PLCB1: variants seen among roughly 807,000 people sequenced by gnomAD.
PLCB1 encodes the protein phospholipase C beta 1, also known as 1-phosphatidylinositol 4,5-bisphosphate phosphodiesterase beta-1.
Under a neutral mutation model 161.8 loss-of-function variants are expected in PLCB1, and 46 were observed. That is an observed-to-expected ratio of 0.28 (90% CI 0.22 to 0.36). The LOEUF (loss-of-function observed/expected upper bound fraction) is 0.36, where lower values mean the gene tolerates loss of function less well. Among genes scored for constraint, PLCB1 ranks in the 10% least tolerant of loss-of-function variants. The pLI is 1.00. For synonymous variants in PLCB1, 517 were observed against 503.7 expected (o/e 1.03, Z -0.35); for missense variants, 1,016 against 1,472.5 (o/e 0.69, Z 5.07).
At chr20:8,412,412 TATCAC>T (rs1979084173) in intron 3 of PLCB1, among the ~76,000 whole-genome samples, 1 of 152,226 alleles carries the variant, frequency 6.6e-6, no homozygotes. Context: ...TGAGAACAAT[TATCAC>T]ATCCACTACA....
chr20:8,247,937 C>A (rs1313057904), intron 2 of PLCB1, among the ~76,000 whole-genome samples: 1 of 151,932 alleles, frequency 6.6e-6, no homozygotes, highest in African/African-American at 2.4e-5. Context: ...GGAGTAAGTG[C>A]TGTATAAAAT....
intron 16 of PLCB1, among the ~76,000 whole-genome samples, chr20:8,727,014 A>G (rs768549636): frequency 6.6e-6 from 1 of 151,912 alleles, no homozygotes; most frequent in Non-Finnish European, 1.5e-5. Context: ...CTTTTGACAA[A>G]TTTTTTTATT....
At chr20:8,868,016 C>T (rs550236322) in intron 31 of PLCB1, among the ~76,000 whole-genome samples, 1 of 152,166 alleles carries the variant, frequency 6.6e-6, no homozygotes, top group South Asian at 2.1e-4. Flanking sequence ...TGTTTATTAG[C>T]AATTTACTAG....
intron 31 of PLCB1, among the ~76,000 whole-genome samples, chr20:8,819,518 A>T (rs6056159): frequency 6.6e-6 from 1 of 152,184 alleles, no homozygotes; most frequent in Non-Finnish European, 1.5e-5. Context: ...ATTTGGGCTA[A>T]ATTGAAGGTA....
intron 1 of PLCB1, among the ~76,000 whole-genome samples, chr20:8,143,964 G>A (rs759009663): frequency 1.3e-5 from 2 of 152,120 alleles, no homozygotes; most frequent in Non-Finnish European, 2.9e-5. Context: ...CTAGATACTG[G>A]GTGTCAGTTG....
At chr20:8,615,267 ATT>A (rs1462748238) in intron 3 of PLCB1, among the ~76,000 whole-genome samples, 2 of 152,160 alleles carry the variant, frequency 1.3e-5, no homozygotes, top group Non-Finnish European at 2.9e-5. Context: ...ATATTTAAGA[ATT>A]TTGCAAATCA....
At position 8,132,884 on chromosome 20, in the gene PLCB1, G is replaced by A; in HGVS notation, c.99+134G>A. The A allele has an allele frequency of 4.6e-6, 3 of 654,184 alleles. No individual in the cohort carries two copies. Among genetic ancestry groups the A allele is most frequent in the South Asian group, 3.7e-5 (2 of 54,738 alleles). 40.5% of individuals were successfully genotyped at this position (654,184 alleles called of 1,614,324 possible). The stretch of plus-strand genomic sequence containing the variant: ...GGCAGGGGCAGCCTCGGGCGCACAG[G>A]TTGGCATCTGCCAAAGCGGATGTCC... On this transcript the variant is annotated intron_variant, in intron 1 of 31. Coordinates refer to ENST00000338037, the MANE Select transcript of PLCB1 (RefSeq NM_015192.4). This position sits in a 1 kb window ranked among gnomAD's most constrained non-coding sequence, Gnocchi z 5.2.
rs573777654 is a variant in PLCB1 at position 8,474,201 on chromosome 20, T to A, written c.246+102751T>A. ...GATCTTAGTGCTGGGTATATAGCCA[T>A]GAATAAAATGAGATTCCTCTTTTTA... On this transcript the variant is annotated intron_variant, in intron 3 of 31. Transcript: ENST00000338037. 2.6e-5 allele frequency among the ~76,000 whole-genome samples: 4 copies of A among 152,264 alleles called. No individual in the cohort carries two copies. The East Asian group carries it at 7.7e-4, about 29-fold the overall frequency.
chr20:8,804,035 C>T (rs1019026354), intron 31 of PLCB1, among the ~76,000 whole-genome samples: 41 of 152,002 alleles, frequency 2.7e-4, no homozygotes, highest in Middle Eastern at 3.4e-3. Flanking sequence ...TCAGGTGATC[C>T]GCCTGCCTCA....
chr20:8,775,353 T>C (rs1277264346), intron 27 of PLCB1, among the ~76,000 whole-genome samples: 3 of 152,232 alleles, frequency 2.0e-5, no homozygotes, highest in Non-Finnish European at 4.4e-5. Context: ...TTGTGACAGA[T>C]AGATTAGATA....
At chr20:8,355,182 T>C (rs965898089) in intron 2 of PLCB1, among the ~76,000 whole-genome samples, 7 of 151,928 alleles carry the variant, frequency 4.6e-5, no homozygotes, top group African/African-American at 1.7e-4. Context: ...TAATATCCCA[T>C]GTGCTTGTGA....
chr20:8,290,223 G>C (rs796389865), intron 2 of PLCB1, among the ~76,000 whole-genome samples: 30 of 152,296 alleles, frequency 2.0e-4, no homozygotes, highest in African/African-American at 7.0e-4. Context: ...CAGAACTCAA[G>C]AGAAGATCCT....
chr20:8,390,399 G>T (rs1987553215), intron 3 of PLCB1, among the ~76,000 whole-genome samples: 1 of 152,072 alleles, frequency 6.6e-6, no homozygotes, highest in African/African-American at 2.4e-5. Context: ...CCTCTTTAAA[G>T]CACTATTGCT....
chr20:8,444,500 A>C (rs1329926008), intron 3 of PLCB1, among the ~76,000 whole-genome samples: 1 of 152,202 alleles, frequency 6.6e-6, no homozygotes, highest in Non-Finnish European at 1.5e-5. Context: ...ATAGTGCCGC[A>C]ATAAACATAC....
At chr20:8,880,543 A>T (rs927798488) in intron 31 of PLCB1, among the ~76,000 whole-genome samples, 5 of 152,230 alleles carry the variant, frequency 3.3e-5, no homozygotes, top group Admixed American at 6.5e-5. Flanking sequence ...TGGTGGCAAA[A>T]TAAGTCAAAA....
At chr20:8,294,288 C>T (rs899960510) in intron 2 of PLCB1, among the ~76,000 whole-genome samples, 1 of 152,076 alleles carries the variant, frequency 6.6e-6, no homozygotes, top group African/African-American at 2.4e-5. Flanking sequence ...TAGACACAGT[C>T]ATTCTAAACT....
At position 8,760,343 on chromosome 20, in the gene PLCB1, G is replaced by C. The variant is rs1210642410; in HGVS notation, c.2657-64G>C. On this transcript the variant is annotated intron_variant, in intron 24 of 31. Transcript: ENST00000338037. ...ATTCAAGGCCCAAATATGTTTGTTT[G>C]TTTACAGGAAGAATAAAATTTAAAA... The C allele has an allele frequency of 3.1e-6, 3 of 975,444 alleles. No individual in the cohort carries two copies. In the Admixed American group the frequency reaches 5.9e-5, roughly 19 times the overall value. The allele number at this position is 975,444 out of a possible 1,614,324, so 60.4% of individuals were successfully genotyped here.
rs6056000 is a variant in PLCB1, at chr20:8,684,086, G to A, written c.863-846G>A. On this transcript the variant is annotated intron_variant, in intron 9 of 31. Coordinates refer to ENST00000338037, the MANE Select transcript of PLCB1 (RefSeq NM_015192.4). ...TTTTTAGTAGAGACGAGGTTTCACC[G>A]TGTTAGCCAGGATGGTCTCGATCTC... 9.4e-4 allele frequency among the ~76,000 whole-genome samples: 143 copies of A among 151,730 alleles called. 2 individuals are homozygous for A. The highest frequency in any genetic ancestry group is 4.7e-3 in the Admixed American group (71 of 15,258).
intron 31 of PLCB1, among the ~76,000 whole-genome samples, chr20:8,815,443 C>T (rs931995315): frequency 1.3e-5 from 2 of 152,214 alleles, no homozygotes; most frequent in African/African-American, 4.8e-5. Flanking sequence ...AATTTATCAT[C>T]TTGCAACGGT....
Sources: gnomAD v4.1 joint callset for allele counts (sites outside exome capture counted in the v4.1 genomes callset) on GRCh38, gnomAD v4.1.1 for gene constraint, Gnocchi (gnomAD v3.1) non-coding constraint, MANE v1.5 for transcripts, NCBI Gene and HGNC (gene_info 2026-07-23, HGNC 2026-07-21) for gene names.